TRHDE: variants seen among roughly 807,000 people sequenced by gnomAD.
TRHDE encodes the protein thyrotropin releasing hormone degrading enzyme, also known as thyrotropin-releasing hormone-degrading ectoenzyme.
TRHDE carries 72 observed loss-of-function variants against 125.7 expected under a neutral mutation model. That is an observed-to-expected ratio of 0.57 (90% CI 0.47 to 0.70). TRHDE has a LOEUF of 0.70. Ranked by LOEUF, TRHDE falls within the 30% of genes least tolerant of loss-of-function variation. TRHDE has a pLI of 0.00. For missense variants in TRHDE, 1,110 were observed against 1,327.1 expected, an observed-to-expected ratio of 0.84 and a Z score of 2.54; for synonymous variants, 509 against 509.1, an observed-to-expected ratio of 1.00 and a Z score of 0.00.
intron 1 of TRHDE, among the ~76,000 whole-genome samples, chr12:72,093,938 G>T (rs1874849616): frequency 6.6e-6 from 1 of 152,170 alleles, no homozygotes; most frequent in African/African-American, 2.4e-5. Flanking sequence ...ATTTGAAGGA[G>T]CAAATGTCTT....
intron 2 of TRHDE, among the ~76,000 whole-genome samples, chr12:72,318,544 G>A (rs768433247): frequency 6.6e-6 from 1 of 152,098 alleles, no homozygotes; most frequent in Non-Finnish European, 1.5e-5. Context: ...TGTTCCCTGA[G>A]ATTGTTTTTC....
chr12:72,271,676 T>G, upstream of TRHDE: 2 of 337,540 alleles, frequency 5.9e-6, no homozygotes, highest in South Asian at 4.5e-5. Flanking sequence ...AGTCCCTCAA[T>G]GCAGCTGGAG....
At chr12:72,148,009 G>T (rs1876268101) in intron 2 of TRHDE, among the ~76,000 whole-genome samples, 1 of 152,154 alleles carries the variant, frequency 6.6e-6, no homozygotes, top group Admixed American at 6.5e-5. Context: ...TTTGTACTTT[G>T]CAGTTTTCAC....
At chr12:72,606,388 A>G (rs1219562427) in intron 12 of TRHDE, among the ~76,000 whole-genome samples, 1 of 152,170 alleles carries the variant, frequency 6.6e-6, no homozygotes, top group Non-Finnish European at 1.5e-5. Context: ...AATCAAGGTC[A>G]GAATATAGAT....
intron 2 of TRHDE, among the ~76,000 whole-genome samples, chr12:72,161,503 A>G (rs1351299260): frequency 6.6e-6 from 1 of 152,144 alleles, no homozygotes; most frequent in African/African-American, 2.4e-5. Flanking sequence ...GCTATACATC[A>G]GTATGCTGCT....
At chr12:72,533,041 G>A (rs1454184022) in intron 6 of TRHDE, among the ~76,000 whole-genome samples, 1 of 151,950 alleles carries the variant, frequency 6.6e-6, no homozygotes, top group Admixed American at 6.6e-5. Context: ...ATGTGACAGT[G>A]TTTCCTTAAA....
At chr12:72,577,874 A>G (rs1054995943) in intron 12 of TRHDE, among the ~76,000 whole-genome samples, 1 of 152,188 alleles carries the variant, frequency 6.6e-6, no homozygotes, top group East Asian at 1.9e-4. Context: ...CCAGAAAAAC[A>G]TGGAATCTCA....
intron 2 of TRHDE, among the ~76,000 whole-genome samples, chr12:72,159,216 A>T (rs1340036062): frequency 3.9e-5 from 6 of 152,240 alleles, no homozygotes; most frequent in Non-Finnish European, 1.5e-5. Context: ...AAATTTTAGT[A>T]GTAGAAAGTT....
intron 2 of TRHDE, among the ~76,000 whole-genome samples, chr12:72,336,263 C>G (rs1771083062): frequency 6.6e-6 from 1 of 152,094 alleles, no homozygotes; most frequent in Admixed American, 6.6e-5. Context: ...TTATGTTAAA[C>G]CGTTGTAAAA....
chr12:72,494,486 T>C (rs993285663), intron 5 of TRHDE, among the ~76,000 whole-genome samples: 2 of 152,046 alleles, frequency 1.3e-5, no homozygotes, highest in African/African-American at 4.8e-5. Context: ...TTGGTCTGCT[T>C]TTTGGTTGGT....
intron 2 of TRHDE, among the ~76,000 whole-genome samples, chr12:72,157,594 A>T (rs1021902745): frequency 6.6e-6 from 1 of 152,194 alleles, no homozygotes; most frequent in Non-Finnish European, 1.5e-5. Context: ...GGAATCAAGT[A>T]AGATTCCAAT....
rs1696374897 is a variant in TRHDE at position 72,375,839 on chromosome 12, A to G, written c.1189-2156A>G. On this transcript the variant is annotated intron_variant, in intron 2 of 18. Transcript: ENST00000261180. ...AATGCTTAGTCCAGGCCCTGATACA[A>G]GATGGGTGCGAATAAATATTTGTTG... Among the ~76,000 whole-genome samples the G allele has an allele frequency of 7.2e-5, 11 of 152,334 alleles. No homozygotes were observed. In the South Asian group the frequency reaches 2.3e-3, roughly 32 times the overall value.
chr12:72,171,082 GC>G (rs1305428731), intron 2 of TRHDE, among the ~76,000 whole-genome samples: 1 of 152,032 alleles, frequency 6.6e-6, no homozygotes, highest in East Asian at 1.9e-4. Context: ...AGGGTTACTG[GC>G]CCTTTTCAGT....
chr12:72,327,108 T>C (rs1277708779), intron 2 of TRHDE, among the ~76,000 whole-genome samples: 5 of 152,170 alleles, frequency 3.3e-5, no homozygotes, highest in Admixed American at 6.5e-5. Context: ...TGAGAACTTT[T>C]ATCTCACTCA....
chr12:72,211,400 A>T (rs1773935798), intron 2 of TRHDE, among the ~76,000 whole-genome samples: 1 of 152,252 alleles, frequency 6.6e-6, no homozygotes, highest in South Asian at 2.1e-4. Context: ...AATATTAGAT[A>T]AAGTAGACTT....
chr12:72,255,632 C>CG (rs1215256855), intron 2 of TRHDE: 3 of 152,190 alleles, frequency 2.0e-5, no homozygotes, highest in Admixed American at 1.3e-4. Flanking sequence ...GAACAATCCC[C>CG]GGGCTGTTCC....
chr12:72,279,437 C>G (rs768740077), intron 1 of TRHDE, among the ~76,000 whole-genome samples: 25 of 152,106 alleles, frequency 1.6e-4, no homozygotes, highest in Non-Finnish European at 2.9e-4. Flanking sequence ...TTTGCATGTT[C>G]TTTACTGCCT....
intron 2 of TRHDE, among the ~76,000 whole-genome samples, chr12:72,250,919 C>T (rs1878670762): frequency 6.8e-6 from 1 of 146,866 alleles, no homozygotes; most frequent in Non-Finnish European, 1.5e-5. Context: ...TATCTCAGTT[C>T]TCCACTGGAA....
chr12:72,508,576 G>A (rs1400987259), intron 6 of TRHDE, among the ~76,000 whole-genome samples: 1 of 152,200 alleles, frequency 6.6e-6, no homozygotes, highest in East Asian at 1.9e-4. Context: ...TATCTTGGAA[G>A]TAACTAACTT....
Sources: gnomAD v4.1 joint callset for allele counts (sites outside exome capture counted in the v4.1 genomes callset) on GRCh38, gnomAD v4.1.1 for gene constraint, MANE v1.5 for transcripts, NCBI Gene and HGNC (gene_info 2026-07-23, HGNC 2026-07-21) for gene names.